PPARGC1B: variants seen among roughly 807,000 people sequenced by gnomAD.
PPARGC1B encodes PPARG coactivator 1 beta, also known as peroxisome proliferator-activated receptor gamma coactivator 1-beta.
A neutral mutation model predicts 101.6 loss-of-function variants in PPARGC1B; 34 were observed. That is an observed-to-expected ratio of 0.33 (90% CI 0.25 to 0.45). PPARGC1B has a LOEUF of 0.45. PPARGC1B is among the 20% of genes least tolerant of loss of function. PPARGC1B has a pLI of 1.00. For missense variants in PPARGC1B, 1,234 were observed against 1,317.6 expected (o/e 0.94, Z 0.98); for synonymous variants, 548 against 539.3 (o/e 1.02, Z -0.22).
intron 1 of PPARGC1B, among the ~76,000 whole-genome samples, chr5:149,804,784 T>TG: frequency 6.6e-6 from 1 of 152,270 alleles, no homozygotes; most frequent in East Asian, 1.9e-4. Flanking sequence ...CCCCAGGACC[T>TG]GGGGGAGGTG....
chr5:149,822,547 G>A (rs1416146898), intron 2 of PPARGC1B, among the ~76,000 whole-genome samples: 1 of 152,254 alleles, frequency 6.6e-6, no homozygotes, highest in Non-Finnish European at 1.5e-5. Flanking sequence ...TGTCTGCATT[G>A]TGCATGGTTG....
rs1759819269 is a variant in PPARGC1B, at chr5:149,852,904, ACT to A, written c.*5349_*5350del. 1.3e-5 allele frequency: 2 copies of A among 151,960 alleles called. No homozygotes were observed. The highest frequency in any genetic ancestry group is 2.4e-5 in the African/African-American group (1 of 41,340). 9.4% of individuals were successfully genotyped at this position (151,960 alleles called of 1,614,324 possible). ...GATTCCTGGGGACAGCTTTTCAGAT[ACT>A]CTGTTTCATCAGTATGCTTTGCACA... On this transcript the variant is annotated 3_prime_UTR_variant, in exon 12 of 12. Transcript: ENST00000309241.
intron 1 of PPARGC1B, among the ~76,000 whole-genome samples, chr5:149,749,267 C>A (rs1373045723): frequency 6.6e-6 from 1 of 152,198 alleles, no homozygotes; most frequent in Non-Finnish European, 1.5e-5. Context: ...ATTCACACAG[C>A]ATTTTCACAT....
In PPARGC1B at chr5:149,820,479, T is replaced by G. The variant is rs200815092; in HGVS notation, c.125T>G (p.Leu42Arg). 2.5e-6 allele frequency: 4 copies of G among 1,614,076 alleles called. No homozygotes were observed. In the Admixed American group the frequency reaches 5.0e-5, roughly 20 times the overall value. ...CAACTCTATGCTGACTTTCCAGAACTTGACCTCTCCCAGCTGGATGCCAGC... is the reference window on the plus strand; with the variant it reads ...CAACTCTATGCTGACTTTCCAGAACGTGACCTCTCCCAGCTGGATGCCAGC... ...EEQLYADFPE[L>R]DLSQLDASDF... The change falls in exon 2 of 12, where the codon CTT (leucine) becomes CGT (arginine). Residue 42 changes from leucine to arginine, a missense_variant. Coordinates refer to ENST00000309241, the MANE Select transcript of PPARGC1B (RefSeq NM_133263.4).
chr5:149,817,243 C>T (rs1209620266), intron 1 of PPARGC1B, among the ~76,000 whole-genome samples: 3 of 152,110 alleles, frequency 2.0e-5, no homozygotes, highest in African/African-American at 7.2e-5. Flanking sequence ...ACCTGTAATC[C>T]CAGCACTTTG....
intron 1 of PPARGC1B, among the ~76,000 whole-genome samples, chr5:149,752,779 A>T (rs561528293): frequency 8.5e-4 from 129 of 152,326 alleles, no homozygotes; most frequent in African/African-American, 2.9e-3. Flanking sequence ...CAGTGAGCCA[A>T]GATCGTACCA....
intron 1 of PPARGC1B, among the ~76,000 whole-genome samples, chr5:149,803,224 T>C (rs1343408733): frequency 6.6e-6 from 1 of 152,180 alleles, no homozygotes; most frequent in East Asian, 1.9e-4. Flanking sequence ...AGGTTGTGAC[T>C]CCCCATCCAG....
intron 7 of PPARGC1B, among the ~76,000 whole-genome samples, chr5:149,835,633 T>A (rs1429669563): frequency 2.0e-5 from 3 of 152,248 alleles, no homozygotes; most frequent in Non-Finnish European, 2.9e-5. Context: ...CAGTTTTATC[T>A]GCGGTGCCTG....
chr5:149,778,165 G>C (rs1756464428), intron 1 of PPARGC1B, among the ~76,000 whole-genome samples: 1 of 139,870 alleles, frequency 7.1e-6, no homozygotes, highest in Non-Finnish European at 1.6e-5. Flanking sequence ...CACACACACA[G>C]AGTACCTGGC....
At chr5:149,784,564 T>C (rs75750102) in intron 1 of PPARGC1B, among the ~76,000 whole-genome samples, 10 of 82,098 alleles carry the variant, frequency 1.2e-4, no homozygotes, top group African/African-American at 3.0e-4. Context: ...GAGTTTCTTT[T>C]TTTTTTTTTT....
intron 1 of PPARGC1B, among the ~76,000 whole-genome samples, chr5:149,765,816 G>A (rs973222594): frequency 1.2e-4 from 18 of 146,006 alleles, no homozygotes; most frequent in African/African-American, 4.1e-4. Flanking sequence ...AGCTGAGATC[G>A]CGCCATTGCA....
chr5:149,773,247 A>G (rs778251532), intron 1 of PPARGC1B, among the ~76,000 whole-genome samples: 1 of 152,216 alleles, frequency 6.6e-6, no homozygotes, highest in Non-Finnish European at 1.5e-5. Context: ...TGAGAGCTAC[A>G]TGTCTCTTAC....
intron 1 of PPARGC1B, chr5:149,819,001 T>C: frequency 2.5e-6 from 1 of 395,450 alleles, no homozygotes; most frequent in South Asian, 1.9e-5. Context: ...GCCCCCCAAC[T>C]CAGGCTATTT....
chr5:149,794,340 A>G (rs529727829), intron 1 of PPARGC1B, among the ~76,000 whole-genome samples: 1 of 152,360 alleles, frequency 6.6e-6, no homozygotes, highest in African/African-American at 2.4e-5. Flanking sequence ...GACAAATGTT[A>G]GACAGTGTCT....
intron 1 of PPARGC1B, among the ~76,000 whole-genome samples, chr5:149,779,309 C>G (rs11960601): frequency 0.043 from 6,522 of 152,220 alleles, 490 homozygotes; most frequent in African/African-American, 0.15. Context: ...ATGCCTGGCA[C>G]GATCTCAGTG....
At chr5:149,750,021 A>C (rs1232681658) in intron 1 of PPARGC1B, among the ~76,000 whole-genome samples, 6 of 152,186 alleles carry the variant, frequency 3.9e-5, no homozygotes, top group African/African-American at 1.4e-4. Flanking sequence ...CCAGTGGGTA[A>C]TGTCAGTGTA....
At chr5:149,815,399 T>C (rs780660406) in intron 1 of PPARGC1B, among the ~76,000 whole-genome samples, 3 of 151,782 alleles carry the variant, frequency 2.0e-5, no homozygotes, top group Non-Finnish European at 4.4e-5. Context: ...AAGGAGAAAA[T>C]GGTCATGTAC....
rs575728397 is a variant in PPARGC1B at position 149,851,595 on chromosome 5, G to A, written c.*4037G>A. ...AACAGCAAAGAAAGTGAATGTCATGGTTTCCCTGGCCAAAGAAGAGGGACC... is the reference window on the plus strand; with the variant it reads ...AACAGCAAAGAAAGTGAATGTCATGATTTCCCTGGCCAAAGAAGAGGGACC... On this transcript the variant is annotated 3_prime_UTR_variant, in exon 12 of 12. Coordinates refer to ENST00000309241, the MANE Select transcript of PPARGC1B (RefSeq NM_133263.4). 6.6e-6 allele frequency: 1 copy of A among 152,320 alleles called. No homozygotes were observed. The highest frequency in any genetic ancestry group is 1.5e-5 in the Non-Finnish European group (1 of 68,032). 9.4% of individuals were successfully genotyped at this position (152,320 alleles called of 1,614,324 possible). A position where few individuals can be genotyped will look rare whatever the true frequency, so the allele number is the denominator to read the frequency against.
At chr5:149,798,731 A>G (rs1482693001) in intron 1 of PPARGC1B, among the ~76,000 whole-genome samples, 1 of 152,180 alleles carries the variant, frequency 6.6e-6, no homozygotes, top group East Asian at 1.9e-4. Context: ...CCCCTAACTT[A>G]GCTGAGTGAT....
Sources: gnomAD v4.1 joint callset for allele counts (sites outside exome capture counted in the v4.1 genomes callset) on GRCh38, gnomAD v4.1.1 for gene constraint, MANE v1.5 for transcripts, NCBI Gene and HGNC (gene_info 2026-07-23, HGNC 2026-07-21) for gene names.